The following NBPF14 variants were observed in gnomAD, a reference collection of about 807,000 sequenced individuals.
NBPF14 encodes the protein NBPF member 14, also known as NBPF family member NBPF14.
Under a neutral mutation model 91.2 loss-of-function variants are expected in NBPF14, and 104 were observed. That is an observed-to-expected ratio of 1.14 (90% confidence interval 0.97 to 1.34). NBPF14 has a LOEUF of 1.34. Among genes scored for constraint, NBPF14 ranks in the 40% most tolerant of loss-of-function variants. NBPF14 has a pLI of 0.00. For missense variants in NBPF14, 908 were observed against 783.0 expected, an observed-to-expected ratio of 1.16 and a Z score of -1.91; for synonymous variants, 294 against 303.8, an observed-to-expected ratio of 0.97 and a Z score of 0.34.
chr1:148,569,613 GAGAC>G (rs1335078097), intron 24 of NBPF14, among the ~76,000 whole-genome samples, 186 bp from the exon 25 acceptor site: 5 of 34,740 alleles, frequency 1.4e-4, no homozygotes, highest in East Asian at 1.1e-3. Context: ...ATGAAAGAGA[GAGAC>G]AGACAGAGAC....
intron 68 of NBPF14, 41 bp from the exon 69 acceptor site, chr1:148,534,897 T>A: frequency 2.8e-6 from 2 of 717,864 alleles, no homozygotes; most frequent in Middle Eastern, 3.7e-4. Context: ...CCAGGGGGAA[T>A]CAGAAACCAC....
rs1386423069 is a variant in NBPF14 at position 148,559,836 on chromosome 1, G to C, written c.4686C>G (p.Tyr1562Ter). Reference sequence around the variant, plus strand: ...AGCCAACACGCTGCTGCTCCAATATGTAAAAGGCACTTCTATAGGGCTGGC... The same window carrying C: ...AGCCAACACGCTGCTGCTCCAATATCTAAAAGGCACTTCTATAGGGCTGGC... The change falls in exon 37 of 71, where the codon TAC (tyrosine) becomes TAG (stop). Residue 1562 changes from tyrosine (Y) to a stop codon, truncating the protein, a stop_gained. Transcript: ENST00000619423. LOFTEE classifies it high-confidence loss of function. The C allele has an allele frequency of 3.3e-6, 5 of 1,529,954 alleles. No homozygotes were observed. Among genetic ancestry groups the C allele is most frequent in the South Asian group, 2.4e-5 (2 of 82,286 alleles). 94.8% of individuals were successfully genotyped at this position (1,529,954 alleles called of 1,614,324 possible). A position where few individuals can be genotyped will look rare whatever the true frequency, so the allele number is the denominator to read the frequency against.
intron 6 of NBPF14, among the ~76,000 whole-genome samples, chr1:148,589,924 G>A (rs1489098534): frequency 1.4e-5 from 2 of 147,846 alleles, no homozygotes; most frequent in African/African-American, 4.9e-5. Flanking sequence ...TAGAGATGGG[G>A]TTTCGCCATC....
At chr1:148,561,451 T>A (rs1657713950) in exon 35 of NBPF14, 1 of 337,720 alleles carries the variant, frequency 3.0e-6, no homozygotes, top group African/African-American at 1.3e-4. Context: ...CTCCAATGCA[T>A]AAAAGGAACT....
At position 148,577,604 on chromosome 1, in the gene NBPF14, C is replaced by G. The variant is rs1200452706; in HGVS notation, c.1854-249G>C. On this transcript the variant is annotated intron_variant, in intron 14 of 70. Transcript: ENST00000619423. ...CACACACACACAGAGCGAGGTCAGT[C>G]AATTGGTCAGGTGACACACTGATGA... 9.4e-5 allele frequency among the ~76,000 whole-genome samples: 14 copies of G among 149,360 alleles called. 1 individual carries two copies. Among genetic ancestry groups the G allele is most frequent in the African/African-American group, 3.6e-4 (14 of 39,298 alleles).
chr1:148,590,048 T>C (rs1662213176), intron 6 of NBPF14, among the ~76,000 whole-genome samples: 1 of 112,452 alleles, frequency 8.9e-6, no homozygotes, highest in Non-Finnish European at 2.0e-5. Flanking sequence ...TACTTTTTTT[T>C]TTTTTTTTTT....
intron 62 of NBPF14, 30 bp from the exon 63 acceptor site, chr1:148,539,612 G>C (rs1655542301): frequency 1.5e-5 from 3 of 199,064 alleles, no homozygotes; most frequent in Non-Finnish European, 2.6e-5. Context: ...TAAAGAATAA[G>C]CCAGGGGGAA....
chr1:148,592,733 T>G, exon 4 of NBPF14: 1 of 1,585,868 alleles, frequency 6.3e-7, no homozygotes, highest in South Asian at 1.1e-5. Context: ...GGGTCAGCTC[T>G]CGTTCCTGAG....
At chr1:148,572,504 G>C (rs1659252544) in exon 21 of NBPF14, 2 of 595,910 alleles carry the variant, frequency 3.4e-6, no homozygotes, top group Non-Finnish European at 5.9e-6. Flanking sequence ...CACTGCTGTA[G>C]GGCTGGCCTA....
In NBPF14 at chr1:148,572,805, C is replaced by CAGACAG. The variant is rs1262285066; in HGVS notation, c.2586-196_2586-191dup. On this transcript the variant is annotated intron_variant, in intron 20 of 70. Transcript: ENST00000619423. ...GATAGAAAACAATGAAAGAGAGAGA[C>CAGACAG]AGACAGAGACAGAGACAGAGACAGA... Among the ~76,000 whole-genome samples the CAGACAG allele has an allele frequency of 4.1e-3, 216 of 53,054 alleles. 7 individuals carry two copies. The highest frequency in any genetic ancestry group is 0.016 in the Middle Eastern group (3 of 184). 34.8% of individuals were successfully genotyped at this position (53,054 alleles called of 152,430 possible). A position where few individuals can be genotyped will look rare whatever the true frequency, so the allele number is the denominator to read the frequency against.
chr1:148,577,643 C>T (rs1660138711), intron 14 of NBPF14, among the ~76,000 whole-genome samples: 1 of 149,040 alleles, frequency 6.7e-6, no homozygotes. Flanking sequence ...AGTCAAAGGA[C>T]ACTCTGTATT....
intron 34 of NBPF14, among the ~76,000 whole-genome samples, chr1:148,561,787 AC>A: frequency 1.6e-5 from 2 of 121,294 alleles, no homozygotes; most frequent in South Asian, 2.6e-4. Flanking sequence ...ACACACACAC[AC>A]ACACACACAC....
intron 6 of NBPF14, among the ~76,000 whole-genome samples, chr1:148,590,015 G>A (rs1662193562): frequency 1.4e-5 from 2 of 140,146 alleles, no homozygotes; most frequent in African/African-American, 5.2e-5. Flanking sequence ...TAAGATGTGA[G>A]CCAGCGCCCC....
rs1329629087 is a variant in NBPF14 at position 148,586,729 on chromosome 1, C to T, written c.1092-260G>A. Among the ~76,000 whole-genome samples, 888 of 143,272 alleles carry T rather than the reference C, an allele frequency of 6.2e-3. 53 individuals are homozygous for T. Among genetic ancestry groups the T allele is most frequent in the Non-Finnish European group, 9.8e-3 (629 of 64,066 alleles). 94.0% of individuals were successfully genotyped at this position (143,272 alleles called of 152,430 possible). On this transcript the variant is annotated intron_variant, in intron 8 of 70. Coordinates refer to ENST00000619423, the Ensembl canonical transcript of NBPF14. Reference sequence around the variant, plus strand: ...TTCTGTAAACAAAAGTAGGTGTCTTCCTAATTCCATTTCAAAAAGACATCC... The same window carrying T: ...TTCTGTAAACAAAAGTAGGTGTCTTTCTAATTCCATTTCAAAAAGACATCC...
intron 68 of NBPF14, among the ~76,000 whole-genome samples, chr1:148,535,095 C>T (rs1224708399): frequency 1.4e-5 from 2 of 145,882 alleles, no homozygotes; most frequent in African/African-American, 5.2e-5. Flanking sequence ...AGCGAATTGG[C>T]CGGGTGACAC....
chr1:148,539,284 T>G (rs1349570864), intron 63 of NBPF14, 126 bp downstream of exon 63: 14 of 636,978 alleles, frequency 2.2e-5, no homozygotes, highest in Admixed American at 8.1e-5. Flanking sequence ...ACAACCTATA[T>G]GCGCCCATAG....
intron 22 of NBPF14, among the ~76,000 whole-genome samples, chr1:148,571,449 G>T: frequency 6.9e-5 from 1 of 14,542 alleles, no homozygotes; most frequent in Middle Eastern, 0.025. Context: ...CAGTCGCCAT[G>T]AGAATACAGT....
Position 148,561,886 on chromosome 1 carries a change from G to T in NBPF14, c.4275-307C>A, listed in dbSNP as rs1194366729. Among the ~76,000 whole-genome samples the T allele has an allele frequency of 2.3e-5, 3 of 131,208 alleles. No individual in the cohort carries two copies. The South Asian group carries it at 7.2e-4, about 32-fold the overall frequency. 86.1% of individuals were successfully genotyped at this position (131,208 alleles called of 152,430 possible). Reference sequence around the variant, plus strand: ...ATTGTCCAGGTGACACACTGATGAGGGAGTAACAGGACACTCTGAGTTAGT... The same window carrying T: ...ATTGTCCAGGTGACACACTGATGAGTGAGTAACAGGACACTCTGAGTTAGT... On this transcript the variant is annotated intron_variant, in intron 34 of 70. Transcript: ENST00000619423.
intron 68 of NBPF14, 63 bp from the exon 69 acceptor site, chr1:148,534,919 T>G: frequency 6.8e-6 from 5 of 731,418 alleles, no homozygotes; most frequent in East Asian, 2.5e-5. Flanking sequence ...CAGCCCCAGC[T>G]AGATTTCATG....
Sources: gnomAD v4.1 joint callset for allele counts (sites outside exome capture counted in the v4.1 genomes callset) on GRCh38, gnomAD v4.1.1 for gene constraint, MANE v1.5 for transcripts, NCBI Gene and HGNC (gene_info 2026-07-23, HGNC 2026-07-21) for gene names.